Variants in FAM20B observed in about 807,000 individuals in gnomAD.
FAM20B encodes the protein glycosaminoglycan xylosylkinase.
In FAM20B, 23 loss-of-function variants were observed where a neutral mutation model predicts 43.8. The ratio of observed to expected loss-of-function variants is 0.53; its 90% CI spans 0.38 to 0.74. The LOEUF is 0.74. FAM20B is among the 30% of genes least tolerant of loss of function. The pLI is 0.00. For missense variants in FAM20B, 440 were observed against 510.5 expected, an observed-to-expected ratio of 0.86 and a Z score of 1.33; for synonymous variants, 178 against 192.4, an observed-to-expected ratio of 0.93 and a Z score of 0.62.
intron 4 of FAM20B, among the ~76,000 whole-genome samples, chr1:179,058,645 A>G (rs1651326922): frequency 6.6e-6 from 1 of 152,222 alleles, no homozygotes; most frequent in Admixed American, 6.5e-5. Context: ...CCATTAAAAG[A>G]GTTTGAATAT....
chr1:179,057,225 A>G (rs889629524), intron 4 of FAM20B, among the ~76,000 whole-genome samples: 1 of 152,108 alleles, frequency 6.6e-6, no homozygotes, highest in Non-Finnish European at 1.5e-5. Flanking sequence ...CACACCTGTA[A>G]TCACAGCTAC....
rs895722601 is a variant in FAM20B, at chr1:179,043,869, G to A, written c.22G>A (p.Val8Met). MKLKQRV[V>M]LLAILLVIFI... ...CAACATGAAGCTAAAGCAGCGAGTC[G>A]TGCTGTTAGCAATTCTCCTTGTCAT... Residue 8 changes from valine to methionine, a missense_variant, in exon 2 of 8, where the codon GTG becomes ATG. Transcript: ENST00000263733. The A allele has an allele frequency of 1.1e-5, 18 of 1,603,872 alleles. No individual in the cohort carries two copies. Among genetic ancestry groups the A allele is most frequent in the South Asian group, 7.7e-5 (7 of 90,632 alleles).
intron 4 of FAM20B, among the ~76,000 whole-genome samples, chr1:179,058,777 G>A (rs75596802): frequency 1.3e-5 from 2 of 152,178 alleles, no homozygotes; most frequent in East Asian, 3.8e-4. Context: ...TGTAATAAGA[G>A]AACTAAAGCA....
intron 1 of FAM20B, among the ~76,000 whole-genome samples, chr1:179,030,651 CT>C (rs1371534578): frequency 6.6e-6 from 1 of 152,168 alleles, no homozygotes; most frequent in African/African-American, 2.4e-5. Context: ...TTATTTCCCC[CT>C]GTCTCTGAAA....
rs1264209737 is a variant in FAM20B, at chr1:179,073,090, GTT to G, written c.*948_*949del. The G allele has an allele frequency of 6.6e-6, 1 of 152,084 alleles. No homozygotes were observed. The highest frequency in any genetic ancestry group is 1.9e-4 in the East Asian group (1 of 5,182). The allele number at this position is 152,084 out of a possible 1,614,324, so 9.4% of individuals were successfully genotyped here. ...GTTGCCTGTGGTCTCTGTCATCCTC[GTT>G]TCTCTTCTGAAATGAATTTCCACCT... On this transcript the variant is annotated 3_prime_UTR_variant, in exon 8 of 8. Coordinates refer to ENST00000263733, the MANE Select transcript of FAM20B (RefSeq NM_014864.4).
chr1:179,041,034 G>A (rs1402901113), intron 1 of FAM20B, among the ~76,000 whole-genome samples: 23 of 150,182 alleles, frequency 1.5e-4, no homozygotes, highest in African/African-American at 3.7e-4. Flanking sequence ...GGGCAGAGAC[G>A]CTCCTCACTT....
At chr1:179,070,515 CTTTTTTTT>C (rs61169246) in intron 7 of FAM20B, among the ~76,000 whole-genome samples, 2 of 57,754 alleles carry the variant, frequency 3.5e-5, no homozygotes, top group Non-Finnish European at 6.0e-5. Flanking sequence ...CTGAACTCGC[CTTTTTTTT>C]TTTTTTTTTT....
intron 1 of FAM20B, among the ~76,000 whole-genome samples, chr1:179,030,037 C>G (rs921429560): frequency 2.0e-5 from 3 of 152,152 alleles, no homozygotes; most frequent in Non-Finnish European, 4.4e-5. Flanking sequence ...GAAAGCTGCT[C>G]TTTTGCTGCT....
At chr1:179,069,382 G>T (rs1267018416) in intron 7 of FAM20B, among the ~76,000 whole-genome samples, 1 of 151,960 alleles carries the variant, frequency 6.6e-6, no homozygotes, top group Non-Finnish European at 1.5e-5. Context: ...GTTTTGTTTT[G>T]TTTTTTGAGA....
rs185884243 is a variant in FAM20B, at chr1:179,048,677, C to T, written c.378-1602C>T. 3.3e-5 allele frequency among the ~76,000 whole-genome samples: 5 copies of T among 152,256 alleles called. No individual in the cohort carries two copies. In the East Asian group the frequency reaches 9.6e-4, roughly 29 times the overall value. On this transcript the variant is annotated intron_variant, in intron 2 of 7. Coordinates refer to ENST00000263733, the MANE Select transcript of FAM20B (RefSeq NM_014864.4). ...TTAATTTAGAGGTAGCTAATATAAA[C>T]CTTTTAAAAAATTATTCCTAAGTAA...
At chr1:179,070,917 A>G (rs978894750) in intron 7 of FAM20B, among the ~76,000 whole-genome samples, 3 of 152,080 alleles carry the variant, frequency 2.0e-5, no homozygotes, top group Non-Finnish European at 4.4e-5. Flanking sequence ...ATACTGTTAC[A>G]ATGGCAATTT....
At chr1:179,069,360 G>C (rs1651821684) in intron 7 of FAM20B, among the ~76,000 whole-genome samples, 1 of 151,994 alleles carries the variant, frequency 6.6e-6, no homozygotes, top group South Asian at 2.1e-4. Context: ...AGCACATTTT[G>C]TTTTTGTTTT....
chr1:179,046,979 G>A (rs1225325446), intron 2 of FAM20B, among the ~76,000 whole-genome samples: 1 of 152,096 alleles, frequency 6.6e-6, no homozygotes, highest in East Asian at 1.9e-4. Flanking sequence ...TGGGCAACAG[G>A]AGCGAAACTC....
At chr1:179,035,465 G>A in intron 1 of FAM20B, 1 of 704,554 alleles carries the variant, frequency 1.4e-6, no homozygotes. Context: ...AGCTTGGGAA[G>A]CACATAGGCA....
At chr1:179,064,150 G>A in intron 5 of FAM20B, 52 bp downstream of exon 5, 2 of 1,517,900 alleles carry the variant, frequency 1.3e-6, no homozygotes, top group Non-Finnish European at 1.8e-6. Context: ...CTAGCCAGGT[G>A]CCAACTCTGT....
chr1:179,048,152 C>T (rs2102503013), intron 2 of FAM20B, among the ~76,000 whole-genome samples: 1 of 151,960 alleles, frequency 6.6e-6, no homozygotes, highest in East Asian at 1.9e-4. Context: ...GCAAAAACAG[C>T]AGTTATGTTG....
At chr1:179,039,747 T>A (rs1650403130) in intron 1 of FAM20B, among the ~76,000 whole-genome samples, 2 of 152,056 alleles carry the variant, frequency 1.3e-5, no homozygotes, top group African/African-American at 4.8e-5. Context: ...TTATTATTTT[T>A]TTTTATTGAT....
chr1:179,022,320 G>A (rs72707282), upstream of FAM20B, among the ~76,000 whole-genome samples: 21,499 of 152,122 alleles, frequency 0.14, 1,776 homozygotes, highest in East Asian at 0.3. Flanking sequence ...CCTCTCCCCA[G>A]GCTCCTGGCA....
At chr1:179,023,455 C>T (rs1381357215), upstream of FAM20B, among the ~76,000 whole-genome samples, 1 of 152,218 alleles carries the variant, frequency 6.6e-6, no homozygotes, top group Non-Finnish European at 1.5e-5. Flanking sequence ...AAAGGAGCAT[C>T]ACAAGAGTCT....
Sources: allele counts gnomAD v4.1 joint callset (sites outside exome capture counted in the v4.1 genomes callset), GRCh38; gene constraint gnomAD v4.1.1; transcripts MANE v1.5; gene names NCBI Gene and HGNC (gene_info 2026-07-23, HGNC 2026-07-21).